KAZN: variants seen among roughly 807,000 people sequenced by gnomAD.
KAZN encodes the protein kazrin, periplakin interacting protein, also known as kazrin.
A neutral mutation model predicts 87.4 loss-of-function variants in KAZN; 40 were observed. The ratio of observed to expected loss-of-function variants is 0.46; its 90% CI spans 0.36 to 0.60. KAZN has a LOEUF of 0.60. KAZN is among the 20% of genes least tolerant of loss of function. The pLI is 0.00. For synonymous variants in KAZN, 466 were observed against 458.3 expected (o/e 1.02, Z -0.22); for missense variants, 898 against 1,073.9 (o/e 0.84, Z 2.29).
At chr1:14,504,207 G>A (rs1670427748) in intron 2 of KAZN, among the ~76,000 whole-genome samples, 1 of 152,174 alleles carries the variant, frequency 6.6e-6, no homozygotes, top group Admixed American at 6.5e-5. Flanking sequence ...CAACAAGATG[G>A]AAACAGACTT....
chr1:15,092,097 A>T (rs1212739016), intron 8 of KAZN, among the ~76,000 whole-genome samples: 4 of 95,742 alleles, frequency 4.2e-5, no homozygotes, highest in African/African-American at 1.4e-4. Context: ...TTTTTTGGAG[A>T]CGGAGTTTCA....
intron 1 of KAZN, among the ~76,000 whole-genome samples, chr1:14,177,610 A>C (rs956054890): frequency 2.6e-5 from 4 of 152,154 alleles, no homozygotes; most frequent in Non-Finnish European, 5.9e-5. Context: ...CCTGGTTTGC[A>C]TAGATTCCGA....
At chr1:14,593,234 G>C (rs1403484023) in intron 2 of KAZN, among the ~76,000 whole-genome samples, 1 of 152,178 alleles carries the variant, frequency 6.6e-6, no homozygotes, top group Non-Finnish European at 1.5e-5. Context: ...ATATGAGAAG[G>C]GTTTTAATGA....
intron 2 of KAZN, among the ~76,000 whole-genome samples, chr1:14,502,070 A>T (rs953293084): frequency 6.6e-6 from 1 of 152,158 alleles, no homozygotes; most frequent in Non-Finnish European, 1.5e-5. Context: ...GAACATACTA[A>T]AAGCCACTGA....
In KAZN at chr1:14,122,479, C is replaced by A. The variant is rs72641685; in HGVS notation, c.92-57956C>A. Among the ~76,000 whole-genome samples, 1,316 of 152,286 alleles carry A rather than the reference C, an allele frequency of 8.6e-3. 8 individuals are homozygous for A. Among genetic ancestry groups the A allele is most frequent in the Non-Finnish European group, 0.013 (903 of 68,026 alleles). On this transcript the variant is annotated intron_variant, in intron 1 of 16. Transcript: ENST00000636203. ...GAATCATCCCATTTCATTCCCATCA[C>A]AATCCTCTGAGATTCTACTCCCATG...
intron 2 of KAZN, among the ~76,000 whole-genome samples, chr1:14,580,798 C>G (rs1446539650): frequency 6.6e-6 from 1 of 152,202 alleles, no homozygotes; most frequent in African/African-American, 2.4e-5. Flanking sequence ...ATTCCAGATT[C>G]TTGGTCGATC....
At chr1:14,090,124 G>A (rs1011210185) in intron 1 of KAZN, among the ~76,000 whole-genome samples, 2 of 151,414 alleles carry the variant, frequency 1.3e-5, no homozygotes, top group African/African-American at 4.9e-5. Context: ...TTTTGCTTGG[G>A]GTTTATTGAG....
At chr1:13,978,511 T>TAA (rs957018492) in intron 1 of KAZN, among the ~76,000 whole-genome samples, 20 of 150,550 alleles carry the variant, frequency 1.3e-4, no homozygotes, top group Non-Finnish European at 2.5e-4. Flanking sequence ...TATATATATA[T>TAA]AAACTATATG....
intron 1 of KAZN, among the ~76,000 whole-genome samples, chr1:14,091,212 C>T (rs1643985057): frequency 6.6e-6 from 1 of 151,882 alleles, no homozygotes; most frequent in African/African-American, 2.4e-5. Flanking sequence ...CTCAGCCACT[C>T]TGGCCTTCTC....
chr1:14,688,685 A>T (rs1233747587), intron 1 of KAZN, among the ~76,000 whole-genome samples: 1 of 152,262 alleles, frequency 6.6e-6, no homozygotes, highest in East Asian at 1.9e-4. Context: ...AAAGCTCAAC[A>T]TGATTGCCCA....
chr1:14,642,392 T>A (rs1680473290), intron 1 of KAZN, among the ~76,000 whole-genome samples: 1 of 152,042 alleles, frequency 6.6e-6, no homozygotes, highest in Non-Finnish European at 1.5e-5. Context: ...AGAGTGAGAC[T>A]CCATCTCAAA....
At chr1:14,342,996 C>G (rs566803778) in intron 2 of KAZN, among the ~76,000 whole-genome samples, 1 of 152,024 alleles carries the variant, frequency 6.6e-6, no homozygotes, top group Non-Finnish European at 1.5e-5. Flanking sequence ...TAAAAATTAG[C>G]CTGGCGTGGT....
chr1:15,103,884 C>T (rs1641198251), intron 12 of KAZN, 139 bp from the exon 13 acceptor site: 1 of 822,450 alleles, frequency 1.2e-6, no homozygotes, highest in Non-Finnish European at 1.9e-6. Flanking sequence ...GGGAGGGGTT[C>T]CTCTTCACCG....
intron 1 of KAZN, among the ~76,000 whole-genome samples, chr1:14,027,218 GT>G (rs1641116763): frequency 6.6e-6 from 1 of 152,154 alleles, no homozygotes; most frequent in Non-Finnish European, 1.5e-5. Flanking sequence ...GCACCGCTTG[GT>G]TCTCGTTTAT....
intron 1 of KAZN, among the ~76,000 whole-genome samples, chr1:14,742,251 T>C (rs1644124255): frequency 6.6e-6 from 1 of 152,208 alleles, no homozygotes; most frequent in African/African-American, 2.4e-5. Flanking sequence ...TGGCTCATAG[T>C]AGGCACTGAA....
rs1038800023 is a variant in KAZN at position 15,065,990 on chromosome 1, C to A, written c.1222+237C>A. 1.9e-5 allele frequency: 25 copies of A among 1,342,616 alleles called. No individual in the cohort carries two copies. In the South Asian group the frequency reaches 4.6e-4, roughly 25 times the overall value. 83.2% of individuals were successfully genotyped at this position (1,342,616 alleles called of 1,614,324 possible). A position where few individuals can be genotyped will look rare whatever the true frequency, so the allele number is the denominator to read the frequency against. On this transcript the variant is annotated intron_variant, in intron 8 of 14. Transcript: ENST00000376030. ...GTGTGAACCTCTCTCCCCTGCGTCG[C>A]CACCTCTGTAATTGATGTACATACC... is the stretch of plus-strand genomic sequence containing the variant.
intron 2 of KAZN, among the ~76,000 whole-genome samples, chr1:14,228,809 G>A (rs192532707): frequency 2.6e-5 from 4 of 152,290 alleles, no homozygotes; most frequent in African/African-American, 4.8e-5. Flanking sequence ...ACATCAGTCC[G>A]GGCCTACTCA....
intron 13 of KAZN, among the ~76,000 whole-genome samples, chr1:15,106,045 G>T (rs12133901): frequency 3.3e-5 from 5 of 151,794 alleles, no homozygotes; most frequent in African/African-American, 9.7e-5. Context: ...TTTAGGAGGC[G>T]GAGGCAGGAG....
At position 13,900,165 on chromosome 1, in the gene KAZN, C is replaced by T. The variant is rs973773091; in HGVS notation, c.91+6409C>T. ...TTCTTGATAGTCCTCAAGTTTGCCT[C>T]GACCTGGATTCCAGGTCAGTGGGGA... On this transcript the variant is annotated intron_variant, in intron 1 of 16. Coordinates refer to the KAZN transcript ENST00000636203. Among the ~76,000 whole-genome samples, 8 of 152,222 alleles carry T rather than the reference C, an allele frequency of 5.3e-5. 1 individual carries two copies. Among genetic ancestry groups the T allele is most frequent in the East Asian group, 3.9e-4 (2 of 5,170 alleles).
Sources: gnomAD v4.1 joint callset for allele counts (sites outside exome capture counted in the v4.1 genomes callset) on GRCh38, gnomAD v4.1.1 for gene constraint, MANE v1.5 for transcripts, NCBI Gene and HGNC (gene_info 2026-07-23, HGNC 2026-07-21) for gene names.